The following MOGAT1 variants were observed in gnomAD, a reference collection of about 807,000 sequenced individuals.
MOGAT1 encodes the protein monoacylglycerol O-acyltransferase 1, also known as 2-acylglycerol O-acyltransferase 1.
Under a neutral mutation model 31.4 loss-of-function variants are expected in MOGAT1, and 32 were observed. That is an observed-to-expected ratio of 1.02 (90% CI 0.77 to 1.37). The LOEUF (loss-of-function observed/expected upper bound fraction) is 1.37, where lower values mean the gene tolerates loss of function less well. Ranked by LOEUF, MOGAT1 falls within the 40% of genes most tolerant of loss-of-function variation. MOGAT1 has a pLI of 0.00. For missense variants in MOGAT1, 426 were observed against 402.0 expected, an observed-to-expected ratio of 1.06 and a Z score of -0.51; for synonymous variants, 145 against 144.5, an observed-to-expected ratio of 1.00 and a Z score of -0.03.
chr2:222,694,599 G>A (rs16864023), intron 4 of MOGAT1, 63 bp downstream of exon 4: 16,804 of 1,499,128 alleles, frequency 0.011, 148 homozygotes, highest in African/African-American at 0.037. Flanking sequence ...AACAAACCAC[G>A]AAGAAGTAAG....
rs374613098 is a variant in MOGAT1, at chr2:222,673,331, C to A, written c.94+1452C>A. On this transcript the variant is annotated intron_variant, in intron 1 of 5. Coordinates refer to ENST00000446656, the MANE Select transcript of MOGAT1 (RefSeq NM_058165.3). ...TCCTGTGCTGCTAGGTAGAATTTAC[C>A]AAAAAAAAAAAAAAATGTAATTCAA... Among the ~76,000 whole-genome samples the A allele has an allele frequency of 1.5e-3, 153 of 102,170 alleles. 1 individual carries two copies. The highest frequency in any genetic ancestry group is 1.8e-3 in the Non-Finnish European group (99 of 55,162). 67.0% of individuals were successfully genotyped at this position (102,170 alleles called of 152,430 possible). A position where few individuals can be genotyped will look rare whatever the true frequency, so the allele number is the denominator to read the frequency against.
In MOGAT1 at chr2:222,695,182, T is replaced by A; in HGVS notation, c.747T>A (p.Asn249Lys). ...PEGSWIRTVQ[N>K]KLQKIMGFAL... ...GATCATGGATTAGAACTGTTCAGAA[T>A]AAACTGCAGAAGATCATGGGGTTTG... The change falls in exon 5 of 6, where the codon AAT (asparagine) becomes AAA (lysine). Residue 249 changes from asparagine to lysine, a missense_variant. By Grantham distance (94) the Asn-to-Lys change is moderately conservative. Transcript: ENST00000446656. The A allele has an allele frequency of 1.2e-6, 2 of 1,613,814 alleles. No individual in the cohort carries two copies. Among genetic ancestry groups the A allele is most frequent in the Non-Finnish European group, 1.7e-6 (2 of 1,179,788 alleles).
chr2:222,702,731 G>C (rs927320319), intron 5 of MOGAT1, among the ~76,000 whole-genome samples: 2 of 151,520 alleles, frequency 1.3e-5, no homozygotes, highest in East Asian at 1.9e-4. Flanking sequence ...TTTATATTCT[G>C]ATGGGAAAAA....
rs1385551400 is a variant in MOGAT1 at position 222,689,280 on chromosome 2, G to T, written c.289G>T (p.Asp97Tyr). ...TGTGCTGTAGCTTATCAAAACTCAA[G>T]ATTTGGATCCAAGTCACAACTATAT... ...YFPIHLIKTQ[D>Y]LDPSHNYIFG... The change falls in exon 3 of 6, where the codon GAT (aspartate) becomes TAT (tyrosine). Residue 97 changes from aspartate to tyrosine, a missense_variant. Physicochemically the swap from Asp to Tyr is radical, Grantham distance 160. Transcript: ENST00000446656. The T allele has an allele frequency of 6.2e-7, 1 of 1,613,378 alleles. No homozygotes were observed. Among genetic ancestry groups the T allele is most frequent in the Admixed American group, 1.7e-5 (1 of 59,940 alleles).
intron 5 of MOGAT1, among the ~76,000 whole-genome samples, chr2:222,707,867 T>C (rs552401373): frequency 2.0e-5 from 3 of 152,282 alleles, no homozygotes; most frequent in African/African-American, 7.2e-5. Context: ...TTAACATTTG[T>C]TCATATTTTG....
chr2:222,705,562 TTC>T (rs1692993449), intron 5 of MOGAT1, among the ~76,000 whole-genome samples: 1 of 152,220 alleles, frequency 6.6e-6, no homozygotes, highest in African/African-American at 2.4e-5. Context: ...ATGTCCTCAT[TTC>T]TCTGTCTTTT....
At chr2:222,696,914 C>T (rs1348396332) in intron 5 of MOGAT1, among the ~76,000 whole-genome samples, 2 of 152,122 alleles carry the variant, frequency 1.3e-5, no homozygotes, top group Non-Finnish European at 2.9e-5. Flanking sequence ...ATGGCATGTG[C>T]TTGTAATCCC....
At chr2:222,681,248 G>T (rs2106032923) in intron 1 of MOGAT1, among the ~76,000 whole-genome samples, 1 of 152,268 alleles carries the variant, frequency 6.6e-6, no homozygotes, top group Non-Finnish European at 1.5e-5. Context: ...CTACAAGACT[G>T]CCCCAACTTT....
chr2:222,679,120 T>C (rs1434985223), intron 1 of MOGAT1, among the ~76,000 whole-genome samples: 1 of 152,194 alleles, frequency 6.6e-6, no homozygotes, highest in Non-Finnish European at 1.5e-5. Flanking sequence ...ATCCAATGGT[T>C]CCAGCTCTTT....
intron 1 of MOGAT1, among the ~76,000 whole-genome samples, chr2:222,682,922 A>T (rs1485848444): frequency 1.3e-5 from 2 of 152,166 alleles, no homozygotes; most frequent in South Asian, 2.1e-4. Flanking sequence ...AACAGAATAC[A>T]GCCAGGTACA....
In MOGAT1 at chr2:222,688,346, C is replaced by A; in HGVS notation, c.97C>A (p.Pro33Thr). Residue 33 changes from proline to threonine, a missense_variant and splice_region_variant, in exon 2 of 6, where the codon CCG becomes ACG. Pro to Thr is a conservative substitution (Grantham distance 38, BLOSUM62 -1). Coordinates refer to ENST00000446656, the MANE Select transcript of MOGAT1 (RefSeq NM_058165.3). Reference protein sequence around the residue: ...QWVLKYLLLGPMSIGITVMLI... With the variant: ...QWVLKYLLLGTMSIGITVMLI... ...TGAGACTTTTTCTTTTCTTACAGGG[C>A]CGATGTCCATTGGAATCACTGTGAT... The A allele has an allele frequency of 3.7e-6, 6 of 1,605,906 alleles. No homozygotes were observed. Among genetic ancestry groups the A allele is most frequent in the Non-Finnish European group, 5.1e-6 (6 of 1,176,198 alleles).
intron 1 of MOGAT1, 109 bp downstream of exon 1, chr2:222,671,988 G>T (rs1692426025): frequency 1.1e-6 from 1 of 880,826 alleles, no homozygotes; most frequent in Admixed American, 2.2e-5. Flanking sequence ...TCCCCTGTCG[G>T]CCAGAGCAGG....
In MOGAT1 at chr2:222,698,462, G is replaced by A. The variant is rs148267621; in HGVS notation, c.853+3174G>A. Among the ~76,000 whole-genome samples, 8 of 152,228 alleles carry A rather than the reference G, an allele frequency of 5.3e-5. No individual in the cohort carries two copies. In the South Asian group the frequency reaches 6.2e-4, roughly 12 times the overall value. ...TAAATATGTATATGGACCCTATCTC[G>A]GAAATGCTGGTGATCCTGAACAGGA... On this transcript the variant is annotated intron_variant, in intron 5 of 5. Coordinates refer to ENST00000446656, the MANE Select transcript of MOGAT1 (RefSeq NM_058165.3).
chr2:222,693,340 G>A (rs1346858074), intron 3 of MOGAT1, among the ~76,000 whole-genome samples: 1 of 151,672 alleles, frequency 6.6e-6, no homozygotes, highest in Non-Finnish European at 1.5e-5. Flanking sequence ...CTGAAATACA[G>A]ACCGAACAAT....
chr2:222,675,481 C>CTTTTT (rs66486955), intron 1 of MOGAT1, among the ~76,000 whole-genome samples: 1 of 133,368 alleles, frequency 7.5e-6, no homozygotes, highest in African/African-American at 2.8e-5. Context: ...TTTTCTTTTT[C>CTTTTT]TTTTTTTTTT....
intron 1 of MOGAT1, among the ~76,000 whole-genome samples, chr2:222,675,258 T>TTC (rs1692478937): frequency 6.6e-6 from 1 of 152,196 alleles, no homozygotes; most frequent in African/African-American, 2.4e-5. Context: ...TGGGCAAGAC[T>TTC]TCTTCCCAGG....
At chr2:222,671,972 C>CTG (rs1559226181) in intron 1 of MOGAT1, 93 bp downstream of exon 1, 1 of 1,022,802 alleles carries the variant, frequency 9.8e-7, no homozygotes, top group Non-Finnish European at 1.5e-6. Context: ...ACCTTCCAAC[C>CTG]CTCGTTCCCC....
At chr2:222,703,436 C>T (rs1692958258) in intron 5 of MOGAT1, among the ~76,000 whole-genome samples, 1 of 151,424 alleles carries the variant, frequency 6.6e-6, no homozygotes, top group Non-Finnish European at 1.5e-5. Flanking sequence ...GTTTTTAGTG[C>T]CTTTAGCTCA....
At chr2:222,693,905 T>G (rs1206138403) in intron 3 of MOGAT1, among the ~76,000 whole-genome samples, 3 of 152,226 alleles carry the variant, frequency 2.0e-5, no homozygotes, top group Non-Finnish European at 4.4e-5. Context: ...CAGGCCATTA[T>G]ATATTCAGAA....
Sources: gnomAD v4.1 joint callset for allele counts (sites outside exome capture counted in the v4.1 genomes callset) on GRCh38, gnomAD v4.1.1 for gene constraint, MANE v1.5 for transcripts, NCBI Gene and HGNC (gene_info 2026-07-23, HGNC 2026-07-21) for gene names.